Variants in GRTP1 observed in about 807,000 individuals in gnomAD.
GRTP1 encodes the protein growth hormone-regulated TBC protein 1.
GRTP1 carries 56 observed loss-of-function variants against 38.1 expected under a neutral mutation model. That is an observed-to-expected ratio of 1.47 (90% CI 1.19 to 1.84). GRTP1 has a LOEUF of 1.84. GRTP1 is among the 40% of genes most tolerant of loss of function. GRTP1 has a pLI of 0.00. For missense variants in GRTP1, 506 were observed against 453.9 expected (o/e 1.11, Z -1.04); for synonymous variants, 217 against 189.5 (o/e 1.14, Z -1.19).
At chr13:113,345,764 T>C (rs1240383643) in intron 4 of GRTP1, among the ~76,000 whole-genome samples, 1 of 152,218 alleles carries the variant, frequency 6.6e-6, no homozygotes, top group Non-Finnish European at 1.5e-5. Flanking sequence ...GCCAAAGCAC[T>C]GGAGGACGGG....
At chr13:113,334,971 C>A (rs1267678611) in intron 5 of GRTP1, among the ~76,000 whole-genome samples, 1 of 151,768 alleles carries the variant, frequency 6.6e-6, no homozygotes, top group Non-Finnish European at 1.5e-5. Flanking sequence ...TACAGGTGCC[C>A]GCCACCACGC....
At chr13:113,339,824 G>GA (rs1412349157) in intron 5 of GRTP1, 2 of 152,052 alleles carry the variant, frequency 1.3e-5, no homozygotes, top group African/African-American at 4.8e-5. Context: ...TGGATTTCTG[G>GA]AAAAAACTAT....
intron 5 of GRTP1, among the ~76,000 whole-genome samples, chr13:113,334,280 A>ACTGCCCCCCGCCCCCCCCG (rs1202504022): frequency 1.3e-4 from 19 of 142,476 alleles, no homozygotes; most frequent in South Asian, 2.2e-4. Flanking sequence ...CACTGCCACG[A>ACTGCCCCCCGCCCCCCCCG]CAGCCTCCCG....
intron 5 of GRTP1, among the ~76,000 whole-genome samples, chr13:113,331,034 G>C (rs1044066247): frequency 4.0e-4 from 61 of 150,698 alleles, no homozygotes; most frequent in Non-Finnish European, 1.5e-4. Flanking sequence ...TGGAGCACAG[G>C]TGTGTGCATG....
chr13:113,332,814 C>T (rs1233329641), intron 5 of GRTP1, among the ~76,000 whole-genome samples: 2 of 152,190 alleles, frequency 1.3e-5, no homozygotes, highest in Non-Finnish European at 2.9e-5. Flanking sequence ...AGGAAGCCGT[C>T]GGCGCCACAT....
intron 2 of GRTP1, 83 bp from the exon 3 acceptor site, chr13:113,355,564 C>T (rs2043371171): frequency 7.1e-7 from 1 of 1,410,240 alleles, no homozygotes; most frequent in East Asian, 2.5e-5. Flanking sequence ...TTTCCACTCT[C>T]ACCAGTTCTC....
chr13:113,347,596 A>AGTG (rs747268338), intron 4 of GRTP1, among the ~76,000 whole-genome samples: 3,090 of 20,624 alleles, frequency 0.15, 9 homozygotes, highest in East Asian at 0.26. Context: ...GGCTGAGAAC[A>AGTG]GACCCGGGAG....
intron 5 of GRTP1, among the ~76,000 whole-genome samples, chr13:113,334,280 A>ACTGCCCCCCCCCCGCC (rs1202504022): frequency 7.0e-6 from 1 of 142,484 alleles, no homozygotes; most frequent in Admixed American, 7.3e-5. Flanking sequence ...CACTGCCACG[A>ACTGCCCCCCCCCCGCC]CAGCCTCCCG....
At chr13:113,325,402 A>T in intron 7 of GRTP1, 1 of 1,433,738 alleles carries the variant, frequency 7.0e-7, no homozygotes, top group South Asian at 1.5e-5. Context: ...GGCACCACAC[A>T]CAGCAGATGA....
At chr13:113,337,460 C>CAA in intron 5 of GRTP1, among the ~76,000 whole-genome samples, 1 of 152,220 alleles carries the variant, frequency 6.6e-6, no homozygotes, top group African/African-American at 2.4e-5. Flanking sequence ...TCTGCTATAA[C>CAA]TAGGAGACCC....
At chr13:113,331,206 C>T (rs1211513459) in intron 5 of GRTP1, among the ~76,000 whole-genome samples, 2 of 152,172 alleles carry the variant, frequency 1.3e-5, no homozygotes, top group Non-Finnish European at 2.9e-5. Context: ...ACCTGCCCAG[C>T]CCCGGCTTCC....
chr13:113,355,637 T>C lies in GRTP1; in HGVS notation c.182-156A>G, dbSNP rs1036677677. On this transcript the variant is annotated intron_variant, in intron 2 of 7. Coordinates refer to ENST00000375431, the MANE Select transcript of GRTP1 (RefSeq NM_024719.4). ...CCATCTCCACCAAAACTGGTACATATACTCCTTTAAAAATTCTGCTCTCCT... is the reference window on the plus strand; with the variant it reads ...CCATCTCCACCAAAACTGGTACATACACTCCTTTAAAAATTCTGCTCTCCT... 136 of 851,916 alleles carry C rather than the reference T, an allele frequency of 1.6e-4. No individual in the cohort carries two copies. In the African/African-American group the frequency reaches 1.9e-3, roughly 12 times the overall value. The allele number at this position is 851,916 out of a possible 1,614,324, so 52.8% of individuals were successfully genotyped here. A position where few individuals can be genotyped will look rare whatever the true frequency, so the allele number is the denominator to read the frequency against.
intron 4 of GRTP1, among the ~76,000 whole-genome samples, chr13:113,347,233 T>C (rs139772712): frequency 8.7e-4 from 14 of 16,156 alleles, no homozygotes; most frequent in Admixed American, 1.9e-3. Context: ...CCTCTGTGGC[T>C]GAGAGCGGAC....
upstream of GRTP1, chr13:113,364,148 G>T: frequency 2.5e-6 from 2 of 812,514 alleles, no homozygotes; most frequent in Non-Finnish European, 1.5e-6. Context: ...CCGCGGGCGC[G>T]TGGGGGCGGG....
chr13:113,345,082 A>G (rs1386629093), intron 4 of GRTP1, 123 bp from the exon 5 acceptor site: 1 of 1,056,296 alleles, frequency 9.5e-7, no homozygotes, highest in East Asian at 2.8e-5. Context: ...AACCTGCATA[A>G]TTGCAGAATG....
At chr13:113,341,930 A>C (rs1008473665) in intron 5 of GRTP1, among the ~76,000 whole-genome samples, 2 of 151,246 alleles carry the variant, frequency 1.3e-5, no homozygotes, top group Non-Finnish European at 2.9e-5. Flanking sequence ...CTGGGATTAT[A>C]TGTGAGCTAC....
rs73582842 is a variant in GRTP1 at position 113,324,393 on chromosome 13, A to G, written c.*95T>C. ...AGTGTAGTGATGTCAAGTATTTACA[A>G]CACTAAAAAGGAAAGCAGTGAAAGT... On this transcript the variant is annotated 3_prime_UTR_variant, in exon 8 of 8. Coordinates refer to ENST00000375431, the MANE Select transcript of GRTP1 (RefSeq NM_024719.4). 2.0e-3 allele frequency: 2,871 copies of G among 1,410,776 alleles called. 50 individuals are homozygous for G. In the African/African-American group the frequency reaches 0.037, roughly 18 times the overall value. 87.4% of individuals were successfully genotyped at this position (1,410,776 alleles called of 1,614,324 possible).
chr13:113,352,552 G>A (rs1024494204), intron 3 of GRTP1, among the ~76,000 whole-genome samples: 1 of 151,484 alleles, frequency 6.6e-6, no homozygotes, highest in Middle Eastern at 3.4e-3. Flanking sequence ...TTTACGTATT[G>A]TTTTGTAAAG....
intron 2 of GRTP1, among the ~76,000 whole-genome samples, chr13:113,362,773 A>T (rs1322596084): frequency 6.6e-6 from 1 of 151,604 alleles, no homozygotes; most frequent in Non-Finnish European, 1.5e-5. Flanking sequence ...GTCCTTCCCC[A>T]CCAGGTCCCT....
Sources: allele counts gnomAD v4.1 joint callset (sites outside exome capture counted in the v4.1 genomes callset), GRCh38; gene constraint gnomAD v4.1.1; transcripts MANE v1.5; gene names NCBI Gene and HGNC (gene_info 2026-07-23, HGNC 2026-07-21).